Variants in ENAH observed in about 807,000 individuals in gnomAD.
ENAH encodes ENAH actin regulator.
In ENAH, 23 loss-of-function variants were observed where a neutral mutation model predicts 78.7. The observed-to-expected ratio is 0.29, with a 90% CI of 0.21 to 0.41. The LOEUF (loss-of-function observed/expected upper bound fraction) is 0.41. ENAH is among the 10% of genes least tolerant of loss of function. ENAH has a pLI of 1.00. For synonymous variants in ENAH, 226 were observed against 241.0 expected, an observed-to-expected ratio of 0.94 and a Z score of 0.58; for missense variants, 544 against 691.0, an observed-to-expected ratio of 0.79 and a Z score of 2.39.
At position 225,494,981 on chromosome 1, in the gene ENAH, A is replaced by G. The variant is rs1225036302; in HGVS notation, c.*2794T>C. On this transcript the variant is annotated 3_prime_UTR_variant, in exon 14 of 14. Transcript: ENST00000366843. The stretch of plus-strand genomic sequence containing the variant: ...AGAATTCAACATTCATTAGTGTTTC[A>G]TCTTCAGTTTTGATTGACACTTGAT... 1 of 152,674 alleles carries G rather than the reference A, an allele frequency of 6.5e-6. No individual in the cohort carries two copies. The highest frequency in any genetic ancestry group is 1.5e-5 in the Non-Finnish European group (1 of 68,036). 9.5% of individuals were successfully genotyped at this position (152,674 alleles called of 1,614,324 possible).
Position 225,629,193 on chromosome 1 carries a change from G to A in ENAH, c.5+23493C>T, listed in dbSNP as rs577459607. Among the ~76,000 whole-genome samples the A allele has an allele frequency of 3.3e-5, 5 of 152,168 alleles. No homozygotes were observed. The East Asian group carries it at 5.8e-4, about 18-fold the overall frequency. On this transcript the variant is annotated intron_variant, in intron 1 of 13. Transcript: ENST00000366843. The stretch of plus-strand genomic sequence containing the variant: ...CTTGGGAAGCTGGGTCAGGAGAATC[G>A]CTTGAATCCGGGAGGCAGAGGTTGC...
At chr1:225,599,241 G>C (rs1337237632) in intron 1 of ENAH, among the ~76,000 whole-genome samples, 1 of 151,994 alleles carries the variant, frequency 6.6e-6, no homozygotes, top group African/African-American at 2.4e-5. Flanking sequence ...GAAAAACAAA[G>C]CTAAAGAGAG....
At chr1:225,611,320 G>A (rs752550019) in intron 1 of ENAH, among the ~76,000 whole-genome samples, 11 of 151,850 alleles carry the variant, frequency 7.2e-5, no homozygotes, top group Non-Finnish European at 1.3e-4. Flanking sequence ...ATTTATTTAC[G>A]TATTTATTTA....
At chr1:225,589,617 T>C (rs143785519) in intron 1 of ENAH, among the ~76,000 whole-genome samples, 11 of 152,382 alleles carry the variant, frequency 7.2e-5, no homozygotes, top group African/African-American at 2.4e-4. Context: ...ATAGTTGTTA[T>C]ACTGCATTGT....
chr1:225,500,916 G>A (rs1194166586), intron 12 of ENAH, 76 bp downstream of exon 12: 21 of 1,300,992 alleles, frequency 1.6e-5, no homozygotes, highest in Middle Eastern at 1.8e-4. Flanking sequence ...CAGGATCCAT[G>A]TCAAAGATAT....
At chr1:225,590,770 A>C (rs993965084) in intron 1 of ENAH, among the ~76,000 whole-genome samples, 2 of 152,116 alleles carry the variant, frequency 1.3e-5, no homozygotes, top group Admixed American at 1.3e-4. Flanking sequence ...CCACTGTGCC[A>C]CTACATTAAT....
chr1:225,591,481 A>C (rs1259008393), intron 1 of ENAH, among the ~76,000 whole-genome samples: 46 of 149,214 alleles, frequency 3.1e-4, no homozygotes, highest in Admixed American at 2.5e-3. Flanking sequence ...AAAAAAAAAA[A>C]AACAGTCGGG....
chr1:225,588,942 G>A (rs575370347), intron 1 of ENAH, among the ~76,000 whole-genome samples: 1 of 151,936 alleles, frequency 6.6e-6, no homozygotes, highest in South Asian at 2.1e-4. Context: ...TCGACAAGAC[G>A]ATGAATAAAT....
intron 1 of ENAH, among the ~76,000 whole-genome samples, chr1:225,650,037 C>G (rs1662680766): frequency 6.6e-6 from 1 of 152,150 alleles, no homozygotes. Flanking sequence ...TTAATATAAC[C>G]TGAAAAGCAC....
rs1558765408 is a variant in ENAH at position 225,530,619 on chromosome 1, T to C, written c.369A>G (p.Gln123=). The C allele has an allele frequency of 6.2e-7, 1 of 1,613,452 alleles. No homozygotes were observed. Among genetic ancestry groups the C allele is most frequent in the Non-Finnish European group, 8.5e-7 (1 of 1,179,496 alleles). The change falls in exon 4 of 14, where the codon CAA becomes CAG. Residue 123 remains glutamine (Q), a synonymous_variant. Coordinates refer to ENST00000366843, the MANE Select transcript of ENAH (RefSeq NM_018212.6). The part of the protein sequence containing the change: ...SQETGPTLPR[Q]NSQLPAQVQN... ...GAACTTGAGCAGGTAGTTGTGAGTT[T>C]TGTCTAGGCAATGTTGGCCCTACAG...
At chr1:225,648,788 CAATT>C (rs1409202185) in intron 1 of ENAH, among the ~76,000 whole-genome samples, 1 of 137,280 alleles carries the variant, frequency 7.3e-6, no homozygotes, top group East Asian at 2.2e-4. Flanking sequence ...CCAGTTTACT[CAATT>C]AACAGGTCAG....
intron 1 of ENAH, among the ~76,000 whole-genome samples, chr1:225,604,522 G>A (rs1161297990): frequency 6.6e-6 from 1 of 151,362 alleles, no homozygotes; most frequent in Non-Finnish European, 1.5e-5. Context: ...AGTGGCTCAC[G>A]CCTGTAATCT....
chr1:225,565,658 T>C (rs1447716078), intron 2 of ENAH, among the ~76,000 whole-genome samples: 3 of 152,046 alleles, frequency 2.0e-5, no homozygotes, highest in Non-Finnish European at 4.4e-5. Context: ...TTCCCCATAA[T>C]AACATCTTGG....
chr1:225,565,565 C>G (rs1368220541), intron 2 of ENAH, among the ~76,000 whole-genome samples: 2 of 152,138 alleles, frequency 1.3e-5, no homozygotes, highest in Admixed American at 1.3e-4. Flanking sequence ...AACGTAGTTT[C>G]TTTACAGCTA....
chr1:225,519,021 C>G, intron 5 of ENAH, 177 bp downstream of exon 5: 6 of 1,044,014 alleles, frequency 5.7e-6, no homozygotes, highest in Non-Finnish European at 6.8e-6. Context: ...AAAAGCAATA[C>G]AGAGAGAAAT....
chr1:225,605,739 G>C (rs1010201081), intron 1 of ENAH, among the ~76,000 whole-genome samples: 13 of 152,172 alleles, frequency 8.5e-5, no homozygotes, highest in African/African-American at 2.9e-4. Flanking sequence ...GGTAAACTGA[G>C]TATACAGGTG....
chr1:225,645,184 AAAGT>A (rs1661725676), intron 1 of ENAH, among the ~76,000 whole-genome samples: 1 of 152,218 alleles, frequency 6.6e-6, no homozygotes, highest in Non-Finnish European at 1.5e-5. Flanking sequence ...ATATTAATCC[AAAGT>A]AATAAAAATG....
intron 12 of ENAH, among the ~76,000 whole-genome samples, chr1:225,500,482 T>C (rs183185785): frequency 1.3e-5 from 2 of 152,364 alleles, no homozygotes; most frequent in South Asian, 2.1e-4. Flanking sequence ...CCACCCACTA[T>C]ACATTTGTAT....
intron 1 of ENAH, among the ~76,000 whole-genome samples, chr1:225,614,546 T>C (rs1343883378): frequency 6.6e-6 from 1 of 152,176 alleles, no homozygotes; most frequent in Non-Finnish European, 1.5e-5. Flanking sequence ...TGGGTTTGTA[T>C]AGAGGCTTCA....
Sources: allele counts gnomAD v4.1 joint callset (sites outside exome capture counted in the v4.1 genomes callset), GRCh38; gene constraint gnomAD v4.1.1; transcripts MANE v1.5; gene names NCBI Gene and HGNC (gene_info 2026-07-23, HGNC 2026-07-21).